Variants in GLG1 observed in about 807,000 individuals in gnomAD.
GLG1 encodes Golgi apparatus protein 1.
In GLG1, 38 loss-of-function variants were observed where a neutral mutation model predicts 160.5. That is an observed-to-expected ratio of 0.24 (90% CI 0.18 to 0.31). GLG1 has a LOEUF of 0.31. Ranked by LOEUF, GLG1 falls within the 10% of genes least tolerant of loss-of-function variation. GLG1 has a pLI of 1.00. For synonymous variants in GLG1, 644 were observed against 543.4 expected (o/e 1.19, Z -2.57); for missense variants, 1,373 against 1,505.2 (o/e 0.91, Z 1.45).
intron 1 of GLG1, among the ~76,000 whole-genome samples, chr16:74,605,773 G>A (rs1958551753): frequency 6.6e-6 from 1 of 152,056 alleles, no homozygotes; most frequent in Admixed American, 6.6e-5. Flanking sequence ...TCAAGTGGTA[G>A]CTTCATTCTA....
chr16:74,487,508 T>A (rs551954553), intron 8 of GLG1, among the ~76,000 whole-genome samples: 1 of 152,296 alleles, frequency 6.6e-6, no homozygotes, highest in Non-Finnish European at 1.5e-5. Flanking sequence ...AGATTTCCAA[T>A]ATTCTACGAT....
chr16:74,596,323 G>A (rs150487239), intron 1 of GLG1, among the ~76,000 whole-genome samples: 1 of 152,124 alleles, frequency 6.6e-6, no homozygotes, highest in Non-Finnish European at 1.5e-5. Flanking sequence ...GAGGTCAGCA[G>A]TTCGAGACAA....
chr16:74,485,929 T>G lies in GLG1; in HGVS notation c.1450-12A>C, dbSNP rs182696849. The G allele has an allele frequency of 4.4e-6, 7 of 1,606,486 alleles. No individual in the cohort carries two copies. In the African/African-American group the frequency reaches 8.0e-5, roughly 18 times the overall value. ...ATCAGTGTTTGAAGCTGAATTAAAA[T>G]AAATTAAGAAGGAAGAAAGAAAGTC... On this transcript the variant is annotated splice_polypyrimidine_tract_variant and intron_variant, in intron 8 of 25. Transcript: ENST00000422840.
At chr16:74,575,658 G>A (rs761406708) in intron 1 of GLG1, among the ~76,000 whole-genome samples, 2 of 151,950 alleles carry the variant, frequency 1.3e-5, no homozygotes, top group Non-Finnish European at 2.9e-5. Flanking sequence ...GAGTGCAGTG[G>A]CACAATCTCA....
At chr16:74,523,799 TA>T (rs2017248357) in intron 2 of GLG1, among the ~76,000 whole-genome samples, 1 of 152,206 alleles carries the variant, frequency 6.6e-6, no homozygotes, top group Non-Finnish European at 1.5e-5. Context: ...GAGACTTTAC[TA>T]AGTTCATCTG....
chr16:74,578,599 T>C (rs1053909792), intron 1 of GLG1, among the ~76,000 whole-genome samples: 7 of 152,220 alleles, frequency 4.6e-5, no homozygotes, highest in East Asian at 1.9e-4. Context: ...ATCAACCTGA[T>C]AGCGCTCTGA....
intron 1 of GLG1, among the ~76,000 whole-genome samples, chr16:74,563,860 G>C (rs36026517): frequency 0.18 from 27,477 of 152,202 alleles, 2,675 homozygotes; most frequent in Middle Eastern, 0.24. Context: ...AGGTCTACTG[G>C]ATAACAGAAT....
At chr16:74,568,069 A>G (rs374255151) in intron 1 of GLG1, among the ~76,000 whole-genome samples, 1 of 152,188 alleles carries the variant, frequency 6.6e-6, no homozygotes, top group East Asian at 1.9e-4. Flanking sequence ...AAACAATACA[A>G]CATTTGCAAT....
At chr16:74,579,462 C>G (rs991000994) in intron 1 of GLG1, among the ~76,000 whole-genome samples, 2 of 152,112 alleles carry the variant, frequency 1.3e-5, no homozygotes, top group African/African-American at 4.8e-5. Context: ...TGGCTCACGT[C>G]TGTAATCCCA....
rs776093330 is a variant in GLG1, at chr16:74,447,881, C to A, written c.*5286G>T. ...CTGCTGGGCTCTGGGGTCCAGATGT[C>A]AACTCTACATTGGAGGAGGCAAAAC... On this transcript the variant is annotated 3_prime_UTR_variant, in exon 26 of 26. Coordinates refer to ENST00000422840, the MANE Select transcript of GLG1 (RefSeq NM_001145667.2). 1.3e-5 allele frequency: 2 copies of A among 152,334 alleles called. No individual in the cohort carries two copies. Among genetic ancestry groups the A allele is most frequent in the Non-Finnish European group, 2.9e-5 (2 of 68,126 alleles). The allele number at this position is 152,334 out of a possible 1,614,324, so 9.4% of individuals were successfully genotyped here.
intron 1 of GLG1, among the ~76,000 whole-genome samples, chr16:74,604,120 C>G (rs1465343325): frequency 6.6e-6 from 1 of 152,160 alleles, no homozygotes; most frequent in Non-Finnish European, 1.5e-5. Flanking sequence ...ACCCAGAAGA[C>G]TGAGGCTGCA....
chr16:74,582,186 G>C (rs141768348), intron 1 of GLG1, among the ~76,000 whole-genome samples: 50 of 152,118 alleles, frequency 3.3e-4, no homozygotes, highest in African/African-American at 1.2e-3. Flanking sequence ...TGTTTTTTGA[G>C]ACAGACTTCC....
At chr16:74,522,843 C>G (rs1400734816) in intron 2 of GLG1, among the ~76,000 whole-genome samples, 3 of 152,092 alleles carry the variant, frequency 2.0e-5, no homozygotes, top group Non-Finnish European at 4.4e-5. Flanking sequence ...ATCACCACAC[C>G]CAGCTAATTT....
At chr16:74,544,599 C>T (rs989657503) in intron 1 of GLG1, among the ~76,000 whole-genome samples, 117 of 152,302 alleles carry the variant, frequency 7.7e-4, no homozygotes, top group African/African-American at 2.7e-3. Context: ...CTCCGCCTCC[C>T]AGGTTTAGGC....
chr16:74,489,766 C>T (rs868777170), intron 8 of GLG1, among the ~76,000 whole-genome samples: 1 of 152,170 alleles, frequency 6.6e-6, no homozygotes, highest in Non-Finnish European at 1.5e-5. Context: ...GACACGCATG[C>T]GTGCGCACAC....
intron 8 of GLG1, among the ~76,000 whole-genome samples, chr16:74,488,332 A>C (rs1316341841): frequency 6.6e-6 from 1 of 152,178 alleles, no homozygotes; most frequent in Non-Finnish European, 1.5e-5. Flanking sequence ...GCTTGAGCCC[A>C]GTAGTTTGAG....
intron 11 of GLG1, among the ~76,000 whole-genome samples, chr16:74,478,507 G>A (rs2015474176): frequency 6.6e-6 from 1 of 152,164 alleles, no homozygotes; most frequent in South Asian, 2.1e-4. Context: ...GAAAGTAACT[G>A]TTTAATGAAC....
chr16:74,575,031 G>A (rs1185677180), intron 1 of GLG1, among the ~76,000 whole-genome samples: 1 of 89,686 alleles, frequency 1.1e-5, no homozygotes, highest in East Asian at 3.5e-4. Flanking sequence ...GGCGGATCAC[G>A]AGGTCAAGAG....
chr16:74,491,758 C>T (rs2015999001), intron 7 of GLG1, among the ~76,000 whole-genome samples: 1 of 151,540 alleles, frequency 6.6e-6, no homozygotes, highest in African/African-American at 2.4e-5. Context: ...CTGCCTCAGC[C>T]TCTCCAAGTA....
Sources: allele counts gnomAD v4.1 joint callset (sites outside exome capture counted in the v4.1 genomes callset), GRCh38; gene constraint gnomAD v4.1.1; transcripts MANE v1.5; gene names NCBI Gene and HGNC (gene_info 2026-07-23, HGNC 2026-07-21).